The following B3GALT1 variants were observed in gnomAD, a reference collection of about 807,000 sequenced individuals.
B3GALT1 encodes the protein beta-1,3-galactosyltransferase 1.
A neutral mutation model predicts 23.2 loss-of-function variants in B3GALT1; 10 were observed. That is an observed-to-expected ratio of 0.43 (90% confidence interval 0.27 to 0.73). The LOEUF (loss-of-function observed/expected upper bound fraction) is 0.73, where lower values mean the gene tolerates loss of function less well. Among genes scored for constraint, B3GALT1 ranks in the 30% least tolerant of loss-of-function variants. The pLI, the probability that B3GALT1 is intolerant of heterozygous loss-of-function variation, is 0.21. For missense variants in B3GALT1, 299 were observed against 405.4 expected (o/e 0.74, Z 2.25); for synonymous variants, 156 against 141.5 (o/e 1.10, Z -0.73).
At chr2:167,779,693 G>C (rs1368219511) in intron 3 of B3GALT1, among the ~76,000 whole-genome samples, 2 of 152,164 alleles carry the variant, frequency 1.3e-5, no homozygotes, top group African/African-American at 2.4e-5. Context: ...ATGCTCTGCA[G>C]TTCAGTGCAC....
chr2:167,556,624 T>C (rs1447223510), intron 2 of B3GALT1, among the ~76,000 whole-genome samples: 1 of 152,212 alleles, frequency 6.6e-6, no homozygotes, highest in East Asian at 1.9e-4. Flanking sequence ...TATTAAAATC[T>C]AGAGCTAAGA....
At chr2:167,597,902 G>A (rs2105421313) in intron 2 of B3GALT1, among the ~76,000 whole-genome samples, 1 of 152,262 alleles carries the variant, frequency 6.6e-6, no homozygotes, top group South Asian at 2.1e-4. Context: ...TATTATATGA[G>A]GGAGAAAGCA....
chr2:167,515,033 T>C (rs1700079838), intron 2 of B3GALT1, among the ~76,000 whole-genome samples: 1 of 152,152 alleles, frequency 6.6e-6, no homozygotes, highest in Admixed American at 6.5e-5. Context: ...TAGTAAAAAA[T>C]TGAGTATAAA....
chr2:167,753,933 C>T (rs1177585979), intron 3 of B3GALT1, among the ~76,000 whole-genome samples: 1 of 152,168 alleles, frequency 6.6e-6, no homozygotes, highest in East Asian at 1.9e-4. Flanking sequence ...AAATAAAATG[C>T]ATACCTCAGA....
intron 3 of B3GALT1, among the ~76,000 whole-genome samples, chr2:167,668,928 A>T (rs1157466437): frequency 6.6e-6 from 1 of 152,104 alleles, no homozygotes; most frequent in African/African-American, 2.4e-5. Context: ...TCACGCTGGG[A>T]GCTATAGACT....
At chr2:167,447,494 C>T (rs915116026) in intron 1 of B3GALT1, among the ~76,000 whole-genome samples, 1 of 152,206 alleles carries the variant, frequency 6.6e-6, no homozygotes, top group African/African-American at 2.4e-5. Flanking sequence ...CCTCCTTGAG[C>T]TGTGGTGGGC....
chr2:167,354,809 T>C (rs1399576988), intron 1 of B3GALT1, among the ~76,000 whole-genome samples: 1 of 152,230 alleles, frequency 6.6e-6, no homozygotes, highest in African/African-American at 2.4e-5. Context: ...AGTCCTTCAA[T>C]TGTCTTTTAT....
At chr2:167,517,532 T>G (rs1424777318) in intron 2 of B3GALT1, among the ~76,000 whole-genome samples, 4 of 152,058 alleles carry the variant, frequency 2.6e-5, no homozygotes, top group African/African-American at 9.7e-5. Context: ...ATATGCACTT[T>G]TTATTTTCTG....
chr2:167,420,982 G>A (rs1276102288), intron 1 of B3GALT1, among the ~76,000 whole-genome samples: 1 of 152,172 alleles, frequency 6.6e-6, no homozygotes, highest in Non-Finnish European at 1.5e-5. Context: ...ACATATTTAA[G>A]TGCTAATATT....
At chr2:167,709,349 C>T (rs909440796) in intron 3 of B3GALT1, among the ~76,000 whole-genome samples, 5 of 152,154 alleles carry the variant, frequency 3.3e-5, no homozygotes, top group Non-Finnish European at 7.3e-5. Context: ...GCCCTGTGGA[C>T]TTCTGCTGAA....
intron 3 of B3GALT1, among the ~76,000 whole-genome samples, chr2:167,744,697 T>C (rs1687627075): frequency 1.3e-5 from 2 of 152,178 alleles, no homozygotes; most frequent in African/African-American, 4.8e-5. Flanking sequence ...GTTCAAGCGA[T>C]TCTCCTGCAT....
chr2:167,844,167 C>G (rs1689707456), intron 4 of B3GALT1, among the ~76,000 whole-genome samples: 2 of 152,104 alleles, frequency 1.3e-5, no homozygotes, highest in South Asian at 4.1e-4. Context: ...GGGGGAAAAG[C>G]ACATGAAAAT....
intron 1 of B3GALT1, among the ~76,000 whole-genome samples, chr2:167,305,804 C>A (rs1414556447): frequency 6.6e-6 from 1 of 152,086 alleles, no homozygotes; most frequent in Non-Finnish European, 1.5e-5. Context: ...TAAAGAATTT[C>A]TGTTAAATTG....
chr2:167,675,596 A>G (rs954512732), intron 3 of B3GALT1, among the ~76,000 whole-genome samples: 1 of 152,186 alleles, frequency 6.6e-6, no homozygotes, highest in Non-Finnish European at 1.5e-5. Context: ...TTCAACTGCT[A>G]TGAGCAGTGT....
At chr2:167,570,295 T>G (rs1276729823) in intron 2 of B3GALT1, among the ~76,000 whole-genome samples, 1 of 151,832 alleles carries the variant, frequency 6.6e-6, no homozygotes, top group African/African-American at 2.4e-5. Context: ...CGGGGCCTGG[T>G]GCTTTCTGTT....
chr2:167,575,624 T>C (rs1352137827), intron 2 of B3GALT1, among the ~76,000 whole-genome samples: 1 of 151,822 alleles, frequency 6.6e-6, no homozygotes, highest in African/African-American at 2.4e-5. Context: ...ATCTTGTGTC[T>C]GAGGATATCA....
At chr2:167,396,529 T>C (rs934033269) in intron 1 of B3GALT1, among the ~76,000 whole-genome samples, 3 of 71,650 alleles carry the variant, frequency 4.2e-5, no homozygotes, top group African/African-American at 1.1e-4. Flanking sequence ...TATATATATA[T>C]ATATATGTGT....
At chr2:167,302,577 G>A (rs952513798) in intron 1 of B3GALT1, among the ~76,000 whole-genome samples, 3 of 152,026 alleles carry the variant, frequency 2.0e-5, no homozygotes, top group African/African-American at 7.2e-5. Context: ...TTATCTTAAT[G>A]TAATTGAACT....
In B3GALT1 at chr2:167,293,676, G is replaced by A. The variant is rs540992934; in HGVS notation, c.-511+342G>A. Among the ~76,000 whole-genome samples, 4 of 152,298 alleles carry A rather than the reference G, an allele frequency of 2.6e-5. No homozygotes were observed. The South Asian group carries it at 8.3e-4, about 32-fold the overall frequency. On this transcript the variant is annotated intron_variant, in intron 1 of 4. Transcript: ENST00000392690. The stretch of plus-strand genomic sequence containing the variant: ...AAGGACCCAAGCTGGGCTGGAGTGA[G>A]TAGGATGCTGTTGGCTCGGCGGGAG...
Sources: allele counts gnomAD v4.1 joint callset (sites outside exome capture counted in the v4.1 genomes callset), GRCh38; gene constraint gnomAD v4.1.1; transcripts MANE v1.5; gene names NCBI Gene and HGNC (gene_info 2026-07-23, HGNC 2026-07-21).